Variants in GPR39 observed in about 807,000 individuals in gnomAD.
GPR39 encodes G protein-coupled receptor 39.
GPR39 carries 23 observed loss-of-function variants against 18.4 expected under a neutral mutation model. The observed-to-expected ratio is 1.25, with a 90% CI of 0.90 to 1.77. The LOEUF (loss-of-function observed/expected upper bound fraction) is 1.77, where lower values mean the gene tolerates loss of function less well. Ranked by LOEUF, GPR39 falls within the 40% of genes most tolerant of loss-of-function variation. The probability of loss-of-function intolerance (pLI) is 0.00; values close to 1 mark genes in which losing one functional copy is unlikely to be tolerated. For synonymous variants in GPR39, 280 were observed against 257.9 expected (o/e 1.09, Z -0.82); for missense variants, 647 against 602.4 (o/e 1.07, Z -0.78).
Position 132,457,635 on chromosome 2 carries a change from G to A in GPR39, c.856+39737G>A, listed in dbSNP as rs147278605. Among the ~76,000 whole-genome samples the A allele has an allele frequency of 1.5e-3, 236 of 152,326 alleles. 2 individuals carry two copies. The highest frequency in any genetic ancestry group is 5.2e-3 in the African/African-American group (217 of 41,578). ...GTCTGTCTGTTCTCAGAGCTCAAAC[G>A]TCGTGCTGGGAGAACCACTGCTCTC... On this transcript the variant is annotated intron_variant, in intron 1 of 1. Coordinates refer to ENST00000329321, the MANE Select transcript of GPR39 (RefSeq NM_001508.3).
chr2:132,463,454 C>G (rs1680869545), intron 1 of GPR39, among the ~76,000 whole-genome samples: 1 of 148,172 alleles, frequency 6.7e-6, no homozygotes, highest in African/African-American at 2.5e-5. Context: ...TTCTTTAAGG[C>G]TCTTCCCTCC....
At chr2:132,530,532 CA>C (rs1359131739) in intron 1 of GPR39, among the ~76,000 whole-genome samples, 1 of 151,794 alleles carries the variant, frequency 6.6e-6, no homozygotes, top group East Asian at 1.9e-4. Context: ...TTGAGAAGAC[CA>C]ACTCCAAGAC....
At chr2:132,507,211 T>C (rs1679149785) in intron 1 of GPR39, among the ~76,000 whole-genome samples, 1 of 152,198 alleles carries the variant, frequency 6.6e-6, no homozygotes, top group Non-Finnish European at 1.5e-5. Context: ...AATAATTTTA[T>C]TTATATATAG....
At chr2:132,582,921 T>TC (rs1558847678) in intron 1 of GPR39, among the ~76,000 whole-genome samples, 13 of 145,992 alleles carry the variant, frequency 8.9e-5, no homozygotes, top group Non-Finnish European at 1.2e-4. Flanking sequence ...CTTTCTTTTT[T>TC]TTTTTTTTTT....
intron 1 of GPR39, among the ~76,000 whole-genome samples, chr2:132,548,486 A>T (rs1460987033): frequency 6.6e-6 from 1 of 152,242 alleles, no homozygotes; most frequent in Non-Finnish European, 1.5e-5. Flanking sequence ...CCTGTATTAG[A>T]TGTCTAATGG....
rs191977979 is a variant in GPR39 at position 132,536,745 on chromosome 2, G to A, written c.857-108356G>A. On this transcript the variant is annotated intron_variant, in intron 1 of 1. Coordinates refer to ENST00000329321, the MANE Select transcript of GPR39 (RefSeq NM_001508.3). ...CTAAGAACTTGTTTTATGAATCTGG[G>A]TGCTCCTGTATTTGGTGCGTATATA... 2.0e-3 allele frequency among the ~76,000 whole-genome samples: 301 copies of A among 152,264 alleles called. 3 individuals are homozygous for A. The highest frequency in any genetic ancestry group is 7.1e-3 in the African/African-American group (295 of 41,556).
At chr2:132,564,842 A>T (rs749003881) in intron 1 of GPR39, among the ~76,000 whole-genome samples, 1 of 49,130 alleles carries the variant, frequency 2.0e-5, no homozygotes, top group Non-Finnish European at 4.0e-5. Flanking sequence ...GTTGAGACAG[A>T]GTCTCGCTCT....
At chr2:132,493,743 T>A (rs1573630664) in intron 1 of GPR39, among the ~76,000 whole-genome samples, 1 of 151,406 alleles carries the variant, frequency 6.6e-6, no homozygotes, top group Admixed American at 6.6e-5. Context: ...CCACTTAGGG[T>A]TCTCCAGCAG....
At chr2:132,575,573 G>A (rs902314853) in intron 1 of GPR39, among the ~76,000 whole-genome samples, 2 of 152,206 alleles carry the variant, frequency 1.3e-5, no homozygotes, top group Admixed American at 1.3e-4. Context: ...CACTAGCAAT[G>A]TATGAGGGAC....
At chr2:132,472,050 T>C (rs150726199) in intron 1 of GPR39, among the ~76,000 whole-genome samples, 87 of 152,304 alleles carry the variant, frequency 5.7e-4, no homozygotes, top group African/African-American at 1.9e-3. Flanking sequence ...CATCAGTCTG[T>C]GCTGTTGACA....
chr2:132,591,244 C>G (rs1277164502), intron 1 of GPR39, among the ~76,000 whole-genome samples: 2 of 117,954 alleles, frequency 1.7e-5, no homozygotes, highest in Non-Finnish European at 3.2e-5. Flanking sequence ...GGCGACAGAG[C>G]GAGACTCCGT....
chr2:132,452,993 C>A (rs527780102), intron 1 of GPR39, among the ~76,000 whole-genome samples: 1 of 152,122 alleles, frequency 6.6e-6, no homozygotes, highest in African/African-American at 2.4e-5. Flanking sequence ...TGGGCTTATA[C>A]CCAGTAATGG....
chr2:132,580,305 A>T (rs1272726871), intron 1 of GPR39, among the ~76,000 whole-genome samples: 1 of 152,214 alleles, frequency 6.6e-6, no homozygotes, highest in African/African-American at 2.4e-5. Context: ...GATTGGCTTT[A>T]TCTCTAGTGT....
At chr2:132,576,711 AT>A (rs1174974143) in intron 1 of GPR39, among the ~76,000 whole-genome samples, 2 of 151,980 alleles carry the variant, frequency 1.3e-5, no homozygotes, top group South Asian at 2.1e-4. Flanking sequence ...CATTTTTTAA[AT>A]TTTTTTTCTA....
Position 132,438,507 on chromosome 2 carries a change from G to T in GPR39, c.856+20609G>T, listed in dbSNP as rs781089985. Among the ~76,000 whole-genome samples the T allele has an allele frequency of 5.0e-4, 75 of 150,104 alleles. 1 individual carries two copies. Among genetic ancestry groups the T allele is most frequent in the Admixed American group, 9.9e-4 (15 of 15,096 alleles). On this transcript the variant is annotated intron_variant, in intron 1 of 1. Coordinates refer to ENST00000329321, the MANE Select transcript of GPR39 (RefSeq NM_001508.3). ...ACCACTTGATTCCCTTAGGTCAGGG[G>T]TTAGCAAATTACGTATGGGCAATCC...
intron 1 of GPR39, among the ~76,000 whole-genome samples, chr2:132,612,085 C>CTGCAA (rs4062888): frequency 0.18 from 26,641 of 152,058 alleles, 2,429 homozygotes; most frequent in Admixed American, 0.23. Context: ...GTGCCCTGAA[C>CTGCAA]TGAGTTTTCT....
chr2:132,587,123 A>T (rs921445421), intron 1 of GPR39, among the ~76,000 whole-genome samples: 1 of 152,230 alleles, frequency 6.6e-6, no homozygotes, highest in Non-Finnish European at 1.5e-5. Flanking sequence ...CTTTGGTTCC[A>T]GAGAGATTAG....
At chr2:132,448,593 T>G (rs779745582) in intron 1 of GPR39, among the ~76,000 whole-genome samples, 2 of 152,194 alleles carry the variant, frequency 1.3e-5, no homozygotes, top group Non-Finnish European at 2.9e-5. Context: ...AATGATGCAG[T>G]GAGTTTCCAT....
intron 1 of GPR39, among the ~76,000 whole-genome samples, chr2:132,634,459 C>T (rs1681712918): frequency 6.6e-6 from 1 of 152,088 alleles, no homozygotes; most frequent in Admixed American, 6.5e-5. Context: ...CTGTGATAGG[C>T]ATAAGGAGGG....
Sources: allele counts gnomAD v4.1 joint callset (sites outside exome capture counted in the v4.1 genomes callset), GRCh38; gene constraint gnomAD v4.1.1; transcripts MANE v1.5; gene names NCBI Gene and HGNC (gene_info 2026-07-23, HGNC 2026-07-21).